Variants in ZEB1 observed in about 807,000 individuals in gnomAD.
ZEB1 encodes the protein zinc finger E-box-binding homeobox 1.
In ZEB1, 21 loss-of-function variants were observed where a neutral mutation model predicts 84.9. That is an observed-to-expected ratio of 0.25 (90% CI 0.18 to 0.36). The LOEUF is 0.36. Ranked by LOEUF, ZEB1 falls within the 10% of genes least tolerant of loss-of-function variation. The pLI, the probability that ZEB1 is intolerant of heterozygous loss-of-function variation, is 1.00. For missense variants in ZEB1, 1,104 were observed against 1,330.2 expected, an observed-to-expected ratio of 0.83 and a Z score of 2.65; for synonymous variants, 420 against 471.1, an observed-to-expected ratio of 0.89 and a Z score of 1.41.
chr10:31,409,031 A>G (rs1327680623), intron 1 of ZEB1, among the ~76,000 whole-genome samples: 2 of 152,164 alleles, frequency 1.3e-5, no homozygotes. Context: ...TCTACAATGA[A>G]CTCAAATAAA....
chr10:31,421,332 T>C (rs773178628), intron 1 of ZEB1, among the ~76,000 whole-genome samples: 20 of 152,240 alleles, frequency 1.3e-4, no homozygotes, highest in Non-Finnish European at 1.9e-4. Context: ...TACACATGCA[T>C]GGGTTGGGAC....
intron 4 of ZEB1, among the ~76,000 whole-genome samples, chr10:31,505,950 T>G: frequency 6.6e-6 from 1 of 152,156 alleles, no homozygotes; most frequent in African/African-American, 2.4e-5. Context: ...GTTTTGATTT[T>G]CATTTAAAGA....
chr10:31,443,411 T>TC (rs2059293399), intron 1 of ZEB1, among the ~76,000 whole-genome samples: 1 of 149,992 alleles, frequency 6.7e-6, no homozygotes, highest in Admixed American at 6.6e-5. Flanking sequence ...TATATTTTCT[T>TC]CTTTTTTTTT....
chr10:31,440,782 A>C (rs2058848389), intron 1 of ZEB1, among the ~76,000 whole-genome samples: 1 of 152,218 alleles, frequency 6.6e-6, no homozygotes, highest in South Asian at 2.1e-4. Context: ...AGAAAGCCAA[A>C]TCATGAGTGA....
chr10:31,500,062 AG>A (rs1424698014), intron 3 of ZEB1, among the ~76,000 whole-genome samples: 1 of 152,092 alleles, frequency 6.6e-6, no homozygotes, highest in Non-Finnish European at 1.5e-5. Context: ...AATTTTTATT[AG>A]GATGTAGAAA....
chr10:31,326,596 T>C (rs1291544639), intron 1 of ZEB1, among the ~76,000 whole-genome samples: 1 of 152,190 alleles, frequency 6.6e-6, no homozygotes, highest in Non-Finnish European at 1.5e-5. Flanking sequence ...CTTTGCCAAG[T>C]TTATGTTACT....
intron 1 of ZEB1, among the ~76,000 whole-genome samples, chr10:31,391,390 C>T (rs1363182816): frequency 6.6e-6 from 1 of 151,908 alleles, no homozygotes; most frequent in East Asian, 1.9e-4. Context: ...TATTTTTCTT[C>T]CTCACTCTAA....
intron 1 of ZEB1, among the ~76,000 whole-genome samples, chr10:31,417,248 A>G (rs768880856): frequency 2.6e-5 from 4 of 152,112 alleles, no homozygotes; most frequent in Admixed American, 6.6e-5. Context: ...TTATGGTAAC[A>G]TTCATTCTTA....
chr10:31,397,733 G>A (rs2051068568), intron 1 of ZEB1, among the ~76,000 whole-genome samples: 1 of 152,152 alleles, frequency 6.6e-6, no homozygotes. Context: ...AGGATTGTAA[G>A]GGATTAGGAT....
chr10:31,485,564 T>C (rs1335915563), intron 2 of ZEB1, among the ~76,000 whole-genome samples: 1 of 151,938 alleles, frequency 6.6e-6, no homozygotes, highest in Admixed American at 6.6e-5. Context: ...TTATTATCAG[T>C]TGGTCTTTCA....
chr10:31,457,976 GC>G (rs2061427904), intron 1 of ZEB1, among the ~76,000 whole-genome samples: 1 of 152,056 alleles, frequency 6.6e-6, no homozygotes, highest in Non-Finnish European at 1.5e-5. Flanking sequence ...GGTAAGAATG[GC>G]ATCAGCATAA....
chr10:31,318,663 A>AG (rs2032831544), upstream of ZEB1: 1 of 161,158 alleles, frequency 6.2e-6, no homozygotes, highest in Non-Finnish European at 1.4e-5. Flanking sequence ...CGGGGAGTCC[A>AG]GACCGCGATC....
intron 1 of ZEB1, among the ~76,000 whole-genome samples, chr10:31,364,599 C>T (rs944334450): frequency 3.9e-5 from 6 of 152,212 alleles, no homozygotes; most frequent in African/African-American, 9.6e-5. Flanking sequence ...AGCCTTGCTC[C>T]GCAGGTTTCC....
chr10:31,391,176 T>C (rs1033352796), intron 1 of ZEB1, among the ~76,000 whole-genome samples: 2 of 151,524 alleles, frequency 1.3e-5, no homozygotes, highest in East Asian at 3.9e-4. Context: ...CCCAAGAGTG[T>C]GGGGATGTTT....
intron 1 of ZEB1, among the ~76,000 whole-genome samples, chr10:31,326,711 A>T (rs577202138): frequency 5.0e-4 from 76 of 152,346 alleles, no homozygotes; most frequent in Middle Eastern, 3.4e-3. Flanking sequence ...CAAGAACTAG[A>T]TACCATGAAT....
chr10:31,510,562 A>T lies in ZEB1; in HGVS notation c.485-111A>T, dbSNP rs540832892. On this transcript the variant is annotated intron_variant, in intron 4 of 8. Coordinates refer to ENST00000424869, the MANE Select transcript of ZEB1 (RefSeq NM_001174096.2). ...TATCATTGCATTGTTTTGAGGATCAAATATAAAGTGGGTAGCACAATATCT... is the reference window on the plus strand; with the variant it reads ...TATCATTGCATTGTTTTGAGGATCATATATAAAGTGGGTAGCACAATATCT... The T allele has an allele frequency of 4.5e-4, 375 of 836,128 alleles. 6 individuals are homozygous for T. In the Middle Eastern group the frequency reaches 5.2e-3, roughly 12 times the overall value. 51.8% of individuals were successfully genotyped at this position (836,128 alleles called of 1,614,324 possible). A position where few individuals can be genotyped will look rare whatever the true frequency, so the allele number is the denominator to read the frequency against.
chr10:31,497,963 A>AGATAGATG (rs2067501091), intron 3 of ZEB1, among the ~76,000 whole-genome samples: 1 of 151,140 alleles, frequency 6.6e-6, no homozygotes, highest in Non-Finnish European at 1.5e-5. Flanking sequence ...ATAGATAGAT[A>AGATAGATG]GATAGATAGA....
chr10:31,421,673 A>G (rs2056181442), intron 1 of ZEB1, among the ~76,000 whole-genome samples: 1 of 152,100 alleles, frequency 6.6e-6, no homozygotes, highest in Non-Finnish European at 1.5e-5. Flanking sequence ...CTAGAAACCT[A>G]TCTCCAGTGT....
intron 2 of ZEB1, among the ~76,000 whole-genome samples, chr10:31,486,635 G>T (rs2065802627): frequency 1.3e-5 from 2 of 149,788 alleles, no homozygotes; most frequent in Non-Finnish European, 1.5e-5. Context: ...CAATGTGCAG[G>T]TTTGTTACAT....
Sources: allele counts gnomAD v4.1 joint callset (sites outside exome capture counted in the v4.1 genomes callset), GRCh38; gene constraint gnomAD v4.1.1; transcripts MANE v1.5; gene names NCBI Gene and HGNC (gene_info 2026-07-23, HGNC 2026-07-21).